The following TENM1 variants were observed in gnomAD, a reference collection of about 807,000 sequenced individuals.
TENM1 encodes the protein teneurin transmembrane protein 1.
A neutral mutation model predicts 174.8 loss-of-function variants in TENM1; 35 were observed. The observed-to-expected ratio is 0.20, with a 90% CI of 0.15 to 0.27. The LOEUF (loss-of-function observed/expected upper bound fraction) is 0.27. TENM1 is among the 10% of genes least tolerant of loss of function. TENM1 has a pLI of 1.00. For synonymous variants in TENM1, 781 were observed against 798.7 expected (o/e 0.98, Z 0.37); for missense variants, 1,633 against 2,130.1 (o/e 0.77, Z 4.59).
intron 18 of TENM1, among the ~76,000 whole-genome samples, chrX:124,512,607 T>C (rs929177595): frequency 2.7e-5 from 3 of 111,749 alleles, no homozygotes; most frequent in Non-Finnish European, 5.6e-5. Flanking sequence ...AAGGAGTTCA[T>C]ACAACCCCTG....
chrX:124,779,818 G>A (rs1012459908), intron 3 of TENM1, among the ~76,000 whole-genome samples: 2 of 111,533 alleles, frequency 1.8e-5, no homozygotes, highest in African/African-American at 6.5e-5. Flanking sequence ...TATCCTGCAA[G>A]GGGTAGTTGA....
intron 11 of TENM1, among the ~76,000 whole-genome samples, chrX:124,630,344 G>C (rs1051712510): frequency 8.9e-6 from 1 of 111,810 alleles, no homozygotes; most frequent in Non-Finnish European, 1.9e-5. Flanking sequence ...TAACTGCTAT[G>C]GTTCCTGAAA....
rs748927898 is a variant in TENM1, at chrX:124,471,626, T to C, written c.3949+10106A>G. ...AGTAATATATAATATATAATATAGATTAATATATAATATATAATTATATAA... is the reference window on the plus strand; with the variant it reads ...AGTAATATATAATATATAATATAGACTAATATATAATATATAATTATATAA... On this transcript the variant is annotated intron_variant, in intron 22 of 31. Coordinates refer to ENST00000422452, the Ensembl canonical transcript of TENM1. Among the ~76,000 whole-genome samples, 197 of 80,904 alleles carry C rather than the reference T, an allele frequency of 2.4e-3. 1 individual carries two copies. The highest frequency in any genetic ancestry group is 9.3e-3 in the African/African-American group (193 of 20,830). The allele number at this position is 80,904 out of a possible 115,157, so 70.3% of individuals were successfully genotyped here.
At chrX:125,136,552 C>G in the TENM1 span, among the ~76,000 whole-genome samples, 12 of 111,445 alleles carry the variant, frequency 1.1e-4, no homozygotes, top group African/African-American at 3.3e-4. Flanking sequence ...AAACCTAGTA[C>G]TGATTACTAC....
intron 3 of TENM1, among the ~76,000 whole-genome samples, chrX:124,785,327 A>G (rs1385504101): frequency 9.0e-6 from 1 of 111,604 alleles, no homozygotes; most frequent in Non-Finnish European, 1.9e-5. Flanking sequence ...TCATAGAAAG[A>G]ATTTATCATT....
intron 3 of TENM1, among the ~76,000 whole-genome samples, chrX:124,812,644 T>TTTTACC (rs771544019): frequency 2.2e-4 from 24 of 111,438 alleles, no homozygotes; most frequent in Non-Finnish European, 4.0e-4. Context: ...CTTATTCTAT[T>TTTTACC]TTTACCTTTA....
chrX:124,601,425 G>C (rs1339078165), intron 11 of TENM1, among the ~76,000 whole-genome samples: 2 of 110,742 alleles, frequency 1.8e-5, no homozygotes, highest in Non-Finnish European at 3.8e-5. Flanking sequence ...AGAGAGCCTG[G>C]GTGCAGATCC....
At chrX:124,898,349 G>A (rs191144949) in intron 1 of TENM1, among the ~76,000 whole-genome samples, 5 of 110,770 alleles carry the variant, frequency 4.5e-5, no homozygotes, top group Non-Finnish European at 7.6e-5. Flanking sequence ...TAGTAGTGAG[G>A]GTGCAAACTT....
intron 3 of TENM1, among the ~76,000 whole-genome samples, chrX:124,872,584 G>T (rs182349277): frequency 8.9e-6 from 1 of 112,194 alleles, no homozygotes; most frequent in African/African-American, 3.2e-5. Context: ...ATAGTCATTT[G>T]TTCAGGGAAA....
chrX:124,893,181 C>T (rs886698608), intron 3 of TENM1, among the ~76,000 whole-genome samples: 1 of 112,017 alleles, frequency 8.9e-6, no homozygotes, highest in African/African-American at 3.2e-5. Context: ...AATAAGGACC[C>T]AAATTATATA....
intron 3 of TENM1, among the ~76,000 whole-genome samples, chrX:124,812,056 G>A (rs756722256): frequency 1.3e-4 from 15 of 111,221 alleles, no homozygotes; most frequent in Non-Finnish European, 2.7e-4. Flanking sequence ...CAGTTAGATA[G>A]GAGGAATAAG....
intron 11 of TENM1, among the ~76,000 whole-genome samples, chrX:124,581,952 G>C (rs963241352): frequency 2.7e-5 from 3 of 111,459 alleles, no homozygotes; most frequent in African/African-American, 9.8e-5. Flanking sequence ...TAGGTAAACA[G>C]TGCCATGGTG....
At chrX:124,991,064 CTGAAGCCATA>C in the TENM1 span, among the ~76,000 whole-genome samples, 1 of 111,708 alleles carries the variant, frequency 9.0e-6, no homozygotes, top group African/African-American at 3.2e-5. Flanking sequence ...TATAGACAGA[CTGAAGCCATA>C]TGATTGTGCA....
intron 1 of TENM1, among the ~76,000 whole-genome samples, chrX:124,949,367 G>A (rs781707382): frequency 2.7e-5 from 3 of 112,026 alleles, no homozygotes; most frequent in South Asian, 7.6e-4. Flanking sequence ...GAAAAAAACT[G>A]TTGAGCACTT....
chrX:124,590,113 G>A (rs1217235644), intron 11 of TENM1, among the ~76,000 whole-genome samples: 2 of 111,590 alleles, frequency 1.8e-5, no homozygotes, highest in Non-Finnish European at 3.8e-5. Flanking sequence ...TCCTGTCTCT[G>A]CTTTCATTTA....
At chrX:124,606,872 G>C (rs1021540892) in intron 11 of TENM1, among the ~76,000 whole-genome samples, 1 of 111,224 alleles carries the variant, frequency 9.0e-6, no homozygotes, top group Non-Finnish European at 1.9e-5. Context: ...AAAAGAGATA[G>C]TACACTATGT....
At chrX:125,000,999 A>C in the TENM1 span, among the ~76,000 whole-genome samples, 1 of 110,774 alleles carries the variant, frequency 9.0e-6, no homozygotes, top group African/African-American at 3.3e-5. Context: ...GACTTGGCTC[A>C]TAATAAACCT....
At chrX:125,175,451 C>T in the TENM1 span, among the ~76,000 whole-genome samples, 1 of 111,461 alleles carries the variant, frequency 9.0e-6, no homozygotes, top group East Asian at 2.8e-4. Flanking sequence ...GATATTATGA[C>T]ACCGGAAGTA....
At chrX:124,387,266 A>G (rs182949442) in intron 28 of TENM1, among the ~76,000 whole-genome samples, 2 of 110,807 alleles carry the variant, frequency 1.8e-5, no homozygotes, top group Admixed American at 9.7e-5. Flanking sequence ...TTGTTGAGGT[A>G]TAATGCAGGT....
Sources: allele counts gnomAD v4.1 joint callset (sites outside exome capture counted in the v4.1 genomes callset), GRCh38; gene constraint gnomAD v4.1.1; transcripts MANE v1.5; gene names NCBI Gene and HGNC (gene_info 2026-07-23, HGNC 2026-07-21).